Variants in EZH2 observed in about 807,000 individuals in gnomAD.
The protein encoded by EZH2 is histone-lysine N-methyltransferase EZH2.
EZH2 carries 18 observed loss-of-function variants against 98.4 expected under a neutral mutation model. The observed-to-expected ratio is 0.18, with a 90% CI of 0.13 to 0.27. The LOEUF (loss-of-function observed/expected upper bound fraction) is 0.27, where lower values mean the gene tolerates loss of function less well. EZH2 is among the 10% of genes least tolerant of loss of function. The probability of loss-of-function intolerance (pLI) is 1.00; values close to 1 mark genes in which losing one functional copy is unlikely to be tolerated. For missense variants in EZH2, 470 were observed against 935.1 expected, an observed-to-expected ratio of 0.50 and a Z score of 6.49; for synonymous variants, 338 against 312.3, an observed-to-expected ratio of 1.08 and a Z score of -0.87.
chr7:148,874,971 C>A (rs73158288), intron 1 of EZH2, among the ~76,000 whole-genome samples: 7,298 of 151,944 alleles, frequency 0.048, 262 homozygotes, highest in Middle Eastern at 0.083. Context: ...TTTCTACATA[C>A]CCCATTCTAA....
chr7:148,841,447 A>G (rs1812413160), intron 3 of EZH2, among the ~76,000 whole-genome samples: 1 of 152,194 alleles, frequency 6.6e-6, no homozygotes, highest in East Asian at 1.9e-4. Flanking sequence ...CAACTCAGAG[A>G]CCACTTCCTT....
intron 8 of EZH2, among the ~76,000 whole-genome samples, chr7:148,822,122 A>T (rs1046434559): frequency 5.3e-5 from 8 of 152,066 alleles, no homozygotes; most frequent in African/African-American, 1.9e-4. Context: ...TTATGTTTTT[A>T]AAAATGAAGC....
At chr7:148,883,871 G>A (rs1372303302) in intron 1 of EZH2, among the ~76,000 whole-genome samples, 1 of 151,612 alleles carries the variant, frequency 6.6e-6, no homozygotes, top group East Asian at 2.0e-4. Flanking sequence ...GCCAGGACAA[G>A]CACCGGGAAA....
At chr7:148,835,783 C>T (rs1267913334) in intron 3 of EZH2, among the ~76,000 whole-genome samples, 1 of 152,114 alleles carries the variant, frequency 6.6e-6, no homozygotes, top group East Asian at 1.9e-4. Context: ...GCTTTAACAC[C>T]TAACTCCAAA....
chr7:148,861,622 G>A (rs192672695), intron 1 of EZH2, among the ~76,000 whole-genome samples: 2 of 152,074 alleles, frequency 1.3e-5, no homozygotes, highest in African/African-American at 4.8e-5. Flanking sequence ...AGGGCCAACT[G>A]TACCTAATAT....
chr7:148,848,762 G>A (rs760815097), intron 1 of EZH2, among the ~76,000 whole-genome samples: 3 of 152,152 alleles, frequency 2.0e-5, no homozygotes, highest in Non-Finnish European at 4.4e-5. Flanking sequence ...GTCTACCTAA[G>A]ACAAAGGGAA....
At chr7:148,870,288 C>A (rs1327963522) in intron 1 of EZH2, among the ~76,000 whole-genome samples, 1 of 152,172 alleles carries the variant, frequency 6.6e-6, no homozygotes, top group Admixed American at 6.5e-5. Flanking sequence ...ATGGGGTTTA[C>A]AAATAAATTT....
At chr7:148,811,744 T>G (rs1329319480) in intron 15 of EZH2, 24 bp from the exon 16 acceptor site, 9 of 1,588,604 alleles carry the variant, frequency 5.7e-6, no homozygotes, top group Non-Finnish European at 7.7e-6. Flanking sequence ...CACAATCACA[T>G]CATCAAAAAA....
chr7:148,873,284 G>C (rs1181831455), intron 1 of EZH2, among the ~76,000 whole-genome samples: 6 of 152,040 alleles, frequency 3.9e-5, no homozygotes, highest in African/African-American at 1.4e-4. Flanking sequence ...CTGAGGTCAG[G>C]AGTTCAAGAC....
chr7:148,823,268 T>C (rs1388059257), intron 8 of EZH2, among the ~76,000 whole-genome samples: 2 of 152,182 alleles, frequency 1.3e-5, no homozygotes, highest in African/African-American at 4.8e-5. Flanking sequence ...AACTTAAACT[T>C]GCATGAAATG....
chr7:148,842,929 T>C (rs1378383562), intron 3 of EZH2, among the ~76,000 whole-genome samples: 2 of 151,684 alleles, frequency 1.3e-5, no homozygotes, highest in East Asian at 1.9e-4. Context: ...ATTAGCCCGA[T>C]GTGCTCGGTG....
intron 13 of EZH2, 70 bp from the exon 14 acceptor site, chr7:148,815,109 G>T (rs895009945): frequency 1.3e-6 from 2 of 1,549,480 alleles, no homozygotes; most frequent in Non-Finnish European, 1.8e-6. Flanking sequence ...CAATTAACAC[G>T]AGTACATTCT....
rs868151227 is a variant in EZH2 at position 148,815,550 on chromosome 7, C to T, written c.1506-4G>A. On this transcript the variant is annotated splice_region_variant and splice_polypyrimidine_tract_variant and intron_variant, in intron 12 of 19. Transcript: ENST00000320356. Reference sequence around the variant, plus strand: ...TCTGCAGTGTGCAGCCCACAACCTGCAAAAACACAAAGAAAATTAAACCAA... The same window carrying T: ...TCTGCAGTGTGCAGCCCACAACCTGTAAAAACACAAAGAAAATTAAACCAA... 21 of 1,614,008 alleles carry T rather than the reference C, an allele frequency of 1.3e-5. 2 individuals are homozygous for T. In the Middle Eastern group the frequency reaches 3.5e-3, roughly 266 times the overall value.
intron 1 of EZH2, among the ~76,000 whole-genome samples, chr7:148,858,586 G>A (rs774500974): frequency 6.6e-6 from 1 of 152,138 alleles, no homozygotes; most frequent in Non-Finnish European, 1.5e-5. Context: ...GTGCAGTGAT[G>A]CAATCCCAAC....
intron 3 of EZH2, among the ~76,000 whole-genome samples, chr7:148,833,382 G>A (rs571150454): frequency 1.6e-3 from 239 of 151,608 alleles, no homozygotes; most frequent in African/African-American, 4.9e-3. Flanking sequence ...GCGTGAACCC[G>A]GGAGGCGGAG....
At chr7:148,838,420 CCCT>C (rs1395282301) in intron 3 of EZH2, among the ~76,000 whole-genome samples, 3 of 152,066 alleles carry the variant, frequency 2.0e-5, no homozygotes, top group Non-Finnish European at 4.4e-5. Flanking sequence ...GTAAATCATT[CCCT>C]CATCTGCAGC....
chr7:148,843,591 T>G (rs1297905523), intron 3 of EZH2, among the ~76,000 whole-genome samples: 137 of 103,082 alleles, frequency 1.3e-3, no homozygotes, highest in Non-Finnish European at 2.0e-3. Context: ...AAGTTTTTTT[T>G]TTTTTTTTTT....
At chr7:148,840,871 A>G (rs1252908922) in intron 3 of EZH2, among the ~76,000 whole-genome samples, 2 of 152,188 alleles carry the variant, frequency 1.3e-5, no homozygotes, top group East Asian at 3.8e-4. Context: ...ATTCCAGATT[A>G]ACCAAGCACT....
Position 148,827,208 on chromosome 7 carries a change from G to C in EZH2, c.684C>G (p.Ser228=), listed in dbSNP as rs1339231487. 1.2e-6 allele frequency: 2 copies of C among 1,613,762 alleles called. No homozygotes were observed. The highest frequency in any genetic ancestry group is 1.7e-6 in the Non-Finnish European group (2 of 1,179,886). ...CTGTGCCCTTATCTGGAAACATTGA[G>C]GAAATGGCTTCAAAAATTTTATCAG... ...FPSDKIFEAI[S]SMFPDKGTAE... The change falls in exon 7 of 20, where the codon TCC becomes TCG. Residue 228 remains serine, a synonymous_variant. Transcript: ENST00000320356.
Sources: gnomAD v4.1 joint callset for allele counts (sites outside exome capture counted in the v4.1 genomes callset) on GRCh38, gnomAD v4.1.1 for gene constraint, MANE v1.5 for transcripts, NCBI Gene and HGNC (gene_info 2026-07-23, HGNC 2026-07-21) for gene names.